ZNF502: variants seen among roughly 807,000 people sequenced by gnomAD.
ZNF502 encodes the protein zinc finger protein 502.
A neutral mutation model predicts 43.6 loss-of-function variants in ZNF502; 29 were observed. The observed-to-expected ratio is 0.67, with a 90% CI of 0.50 to 0.91. The LOEUF (loss-of-function observed/expected upper bound fraction) is 0.91, where lower values mean the gene tolerates loss of function less well. Ranked by LOEUF, ZNF502 falls within the 40% of genes least tolerant of loss-of-function variation. ZNF502 has a pLI of 0.00. For missense variants in ZNF502, 591 were observed against 647.2 expected (o/e 0.91, Z 0.94); for synonymous variants, 171 against 207.4 (o/e 0.82, Z 1.51).
intron 1 of ZNF502, among the ~76,000 whole-genome samples, chr3:44,717,794 T>C (rs1486789894): frequency 6.6e-6 from 1 of 151,828 alleles, no homozygotes; most frequent in Non-Finnish European, 1.5e-5. Context: ...TGACTATAGG[T>C]ACACACCACT....
In ZNF502 at chr3:44,720,900, T is replaced by C. The variant is rs6798400; in HGVS notation, c.83T>C (p.Leu28Pro). The C allele has an allele frequency of 0.011, 18,290 of 1,613,378 alleles. 331 individuals carry two copies. The highest frequency in any genetic ancestry group is 0.076 in the African/African-American group (5,667 of 74,970). ...TGGGTAAACAAGAACAAGCCTGCTC[T>C]GGAGCAGGATGTCTGTAAAATTGAC... Reference protein sequence around the residue: ...PGWVNKNKPALEQDVCKIDSS... With the variant: ...PGWVNKNKPAPEQDVCKIDSS... The change falls in exon 3 of 3, where the codon CTG (leucine) becomes CCG (proline). Residue 28 changes from leucine to proline, a missense_variant. Physicochemically the swap from Leu to Pro is moderately conservative, Grantham distance 98. Coordinates refer to ENST00000436624, the MANE Select transcript of ZNF502 (RefSeq NM_001134442.3).
At position 44,722,444 on chromosome 3, in the gene ZNF502, G is replaced by A; in HGVS notation, c.1627G>A (p.Gly543Ser). ...TTTCAGACATCAGAAACTTCACAGT[G>A]GTGACTAATGCTGCCATTTAGGTTA... is the stretch of plus-strand genomic sequence containing the variant. ...VLFRHQKLHS[G>S]D The change falls in exon 3 of 3, where the codon GGT (glycine) becomes AGT (serine). Residue 543 changes from glycine (G) to serine (S), a missense_variant. Coordinates refer to ENST00000436624, the MANE Select transcript of ZNF502 (RefSeq NM_001134442.3). 6.2e-7 allele frequency: 1 copy of A among 1,609,032 alleles called. No homozygotes were observed. Among genetic ancestry groups the A allele is most frequent in the Non-Finnish European group, 8.5e-7 (1 of 1,177,760 alleles).
chr3:44,722,262 A>C lies in ZNF502; in HGVS notation c.1445A>C (p.His482Pro). The C allele has an allele frequency of 6.2e-7, 1 of 1,614,236 alleles. No homozygotes were observed. The highest frequency in any genetic ancestry group is 8.5e-7 in the Non-Finnish European group (1 of 1,180,042). The change falls in exon 3 of 3, where the codon CAT becomes CCT. Residue 482 changes from histidine to proline, a missense_variant. Transcript: ENST00000436624. The part of the protein sequence containing the change: ...FAHSSSLTEH[H>P]RTHTGEKLYK... ...CATAGCTCATCTCTTACTGAACATC[A>C]TAGAACTCACACTGGTGAGAAGCTC...
chr3:44,719,546 T>A (rs576029666), intron 1 of ZNF502, among the ~76,000 whole-genome samples: 2 of 152,264 alleles, frequency 1.3e-5, no homozygotes, highest in Non-Finnish European at 2.9e-5. Context: ...CAGAAACTGG[T>A]ATTTTTGCAA....
rs1704399899 is a variant in ZNF502 at position 44,722,745 on chromosome 3, T to G, written c.*293T>G. 3.0e-6 allele frequency: 1 copy of G among 329,140 alleles called. No homozygotes were observed. Among genetic ancestry groups the G allele is most frequent in the East Asian group, 4.8e-5 (1 of 20,836 alleles). The allele number at this position is 329,140 out of a possible 1,614,324, so 20.4% of individuals were successfully genotyped here. A position where few individuals can be genotyped will look rare whatever the true frequency, so the allele number is the denominator to read the frequency against. Reference sequence around the variant, plus strand: ...GCTTGAGGAGGCATTTGTTAGCACTTCTGTTCACTTTACTACATCCTGCCC... The same window carrying G: ...GCTTGAGGAGGCATTTGTTAGCACTGCTGTTCACTTTACTACATCCTGCCC... On this transcript the variant is annotated 3_prime_UTR_variant, in exon 3 of 3. Coordinates refer to ENST00000436624, the MANE Select transcript of ZNF502 (RefSeq NM_001134442.3).
chr3:44,715,890 T>G (rs1157809976), intron 1 of ZNF502, among the ~76,000 whole-genome samples: 1 of 152,110 alleles, frequency 6.6e-6, no homozygotes, highest in Non-Finnish European at 1.5e-5. Context: ...TATTTTACAT[T>G]ATATTACTAC....
At chr3:44,714,636 G>C (rs1414858574) in intron 1 of ZNF502, 1 of 152,202 alleles carries the variant, frequency 6.6e-6, no homozygotes, top group Non-Finnish European at 1.5e-5. Flanking sequence ...TGACAGCTCA[G>C]ATGATCCATG....
chr3:44,716,499 CATTT>C (rs1704150661), intron 1 of ZNF502, among the ~76,000 whole-genome samples: 1 of 152,126 alleles, frequency 6.6e-6, no homozygotes, highest in African/African-American at 2.4e-5. Flanking sequence ...CGAATATAGT[CATTT>C]TTTATGGCAT....
chr3:44,721,955 A>T lies in ZNF502; in HGVS notation c.1138A>T (p.Lys380Ter). 1.2e-6 allele frequency: 2 copies of T among 1,614,194 alleles called. No homozygotes were observed. The highest frequency in any genetic ancestry group is 1.7e-6 in the Non-Finnish European group (2 of 1,180,026). ...QRIHTGEKPY[K>*]CKECGKAFTQ... ...AATTCATACTGGAGAAAAACCATAT[A>T]AGTGTAAAGAATGTGGCAAAGCGTT... The change falls in exon 3 of 3, where the codon AAG becomes TAG. Residue 380 changes from lysine to a stop codon, truncating the protein, a stop_gained. Transcript: ENST00000436624. LOFTEE classifies it high-confidence loss of function.
rs112195432 is a variant in ZNF502, at chr3:44,717,759, A to T, written c.-59-2444A>T. 3.2e-3 allele frequency among the ~76,000 whole-genome samples: 490 copies of T among 152,272 alleles called. 4 individuals are homozygous for T. Among genetic ancestry groups the T allele is most frequent in the African/African-American group, 0.011 (470 of 41,554 alleles). On this transcript the variant is annotated intron_variant, in intron 1 of 2. Coordinates refer to ENST00000436624, the MANE Select transcript of ZNF502 (RefSeq NM_001134442.3). ...CTGCAGCCTCGAACTCCTGGACTCA[A>T]GTGATCCTCCCGCCTTAGTAGCTAT... is the stretch of plus-strand genomic sequence containing the variant.
At chr3:44,713,956 C>T (rs1012377149) in intron 1 of ZNF502, among the ~76,000 whole-genome samples, 2 of 152,098 alleles carry the variant, frequency 1.3e-5, no homozygotes, top group African/African-American at 2.4e-5. Context: ...TGCTAAGTGA[C>T]CCAAGGCTGC....
chr3:44,713,647 C>T (rs1246457912), intron 1 of ZNF502, among the ~76,000 whole-genome samples: 1 of 151,482 alleles, frequency 6.6e-6, no homozygotes, highest in Admixed American at 6.6e-5. Flanking sequence ...ACGGGGTGAT[C>T]TGGGCTCACC....
At position 44,722,121 on chromosome 3, in the gene ZNF502, A is replaced by T. The variant is rs1346670266; in HGVS notation, c.1304A>T (p.Tyr435Phe). ...HQRSHTGEKP[Y>F]KCNECGKGFN... ...AGAAGTCACACTGGAGAAAAACCCT[A>T]TAAATGCAATGAATGTGGAAAGGGC... is the stretch of plus-strand genomic sequence containing the variant. The change falls in exon 3 of 3, where the codon TAT (tyrosine) becomes TTT (phenylalanine). Residue 435 changes from tyrosine to phenylalanine, a missense_variant. Physicochemically the swap from Tyr to Phe is conservative, Grantham distance 22 (BLOSUM62 3). Transcript: ENST00000436624. 2 of 1,614,086 alleles carry T rather than the reference A, an allele frequency of 1.2e-6. No individual in the cohort carries two copies. Among genetic ancestry groups the T allele is most frequent in the African/African-American group, 2.7e-5 (2 of 74,938 alleles).
At chr3:44,716,560 G>A (rs1039251481) in intron 1 of ZNF502, among the ~76,000 whole-genome samples, 1 of 152,144 alleles carries the variant, frequency 6.6e-6, no homozygotes, top group Non-Finnish European at 1.5e-5. Flanking sequence ...TACAAAATGA[G>A]CATTCTGTTC....
At chr3:44,714,918 A>G (rs1704105055) in intron 1 of ZNF502, among the ~76,000 whole-genome samples, 1 of 152,202 alleles carries the variant, frequency 6.6e-6, no homozygotes, top group Non-Finnish European at 1.5e-5. Flanking sequence ...CTGAGTCCCA[A>G]TCCAGTCTAC....
In ZNF502 at chr3:44,721,398, G is replaced by A. The variant is rs778928814; in HGVS notation, c.581G>A (p.Arg194His). The A allele has an allele frequency of 2.4e-5, 39 of 1,613,930 alleles. No individual in the cohort carries two copies. Among genetic ancestry groups the A allele is most frequent in the Middle Eastern group, 1.6e-4 (1 of 6,084 alleles). ...GAGGAATGTGGGAAAGCCTTTAGTC[G>A]TAGTTCATTCCTTGTTCAACATCAA... The part of the protein sequence containing the change: ...TCEECGKAFS[R>H]SSFLVQHQRI... Residue 194 changes from arginine (R) to histidine (H), a missense_variant, in exon 3 of 3, where the codon CGT becomes CAT. By Grantham distance (29) the Arg-to-His change is conservative. Transcript: ENST00000436624.
intron 1 of ZNF502, among the ~76,000 whole-genome samples, chr3:44,715,283 A>G (rs577488071): frequency 6.6e-6 from 1 of 152,154 alleles, no homozygotes; most frequent in East Asian, 1.9e-4. Context: ...AACATATTAT[A>G]TTTTCTCATG....
At position 44,720,282 on chromosome 3, in the gene ZNF502, T is replaced by G; in HGVS notation, c.21T>G (p.Ala7=). 1 of 1,614,046 alleles carries G rather than the reference T, an allele frequency of 6.2e-7. No homozygotes were observed. The highest frequency in any genetic ancestry group is 8.5e-7 in the Non-Finnish European group (1 of 1,180,002). The change falls in exon 2 of 3, where the codon GCT becomes GCG. Residue 7 remains alanine, a synonymous_variant. Coordinates refer to ENST00000436624, the MANE Select transcript of ZNF502 (RefSeq NM_001134442.3). MLNMQG[A]EERDIRRETC... is the part of the protein sequence containing the mutation. ...TGTGGATGTTGAATATGCAAGGAGCTGAAGAGAGAGACATTAGAAGAGAGA... is the reference window on the plus strand; with the variant it reads ...TGTGGATGTTGAATATGCAAGGAGCGGAAGAGAGAGACATTAGAAGAGAGA...
At chr3:44,717,392 G>A (rs1704172963) in intron 1 of ZNF502, among the ~76,000 whole-genome samples, 1 of 147,392 alleles carries the variant, frequency 6.8e-6, no homozygotes, top group Non-Finnish European at 1.5e-5. Context: ...AGGCTGGAGT[G>A]AAGTGATGCA....
Sources: allele counts gnomAD v4.1 joint callset (sites outside exome capture counted in the v4.1 genomes callset), GRCh38; gene constraint gnomAD v4.1.1; transcripts MANE v1.5; gene names NCBI Gene and HGNC (gene_info 2026-07-23, HGNC 2026-07-21).